MROH7: variants seen among roughly 807,000 people sequenced by gnomAD.
MROH7 encodes maestro heat-like repeat-containing protein family member 7.
MROH7 carries 113 observed loss-of-function variants against 129.2 expected under a neutral mutation model. The observed-to-expected ratio is 0.87, with a 90% CI of 0.75 to 1.02. The LOEUF is 1.02. MROH7 is among the 50% of genes least tolerant of loss of function. The pLI is 0.00. For missense variants in MROH7, 1,601 were observed against 1,671.3 expected, an observed-to-expected ratio of 0.96 and a Z score of 0.73; for synonymous variants, 655 against 667.9, an observed-to-expected ratio of 0.98 and a Z score of 0.30.
chr1:54,663,891 T>C (rs1529783), intron 3 of MROH7: 42,585 of 404,068 alleles, frequency 0.11, 2,986 homozygotes, highest in East Asian at 0.41. Flanking sequence ...TTCACTACAA[T>C]TGGTGTATCT....
intron 4 of MROH7, among the ~76,000 whole-genome samples, chr1:54,668,159 T>G (rs1644840831): frequency 6.6e-6 from 1 of 152,206 alleles, no homozygotes; most frequent in South Asian, 2.1e-4. Context: ...AGGGAAAAAG[T>G]GGAAGCTTCC....
chr1:54,695,569 A>G, intron 17 of MROH7, 79 bp downstream of exon 17: 5 of 869,790 alleles, frequency 5.7e-6, no homozygotes, highest in Non-Finnish European at 9.6e-6. Context: ...TCTCCTATGT[A>G]AACAGTACTT....
In MROH7 at chr1:54,678,829, G is replaced by C. The variant is rs753332143; in HGVS notation, c.2024G>C (p.Cys675Ser). The change falls in exon 11 of 24, where the codon TGC (cysteine) becomes TCC (serine). Residue 675 changes from cysteine (C) to serine (S), a missense_variant. By Grantham distance (112) the Cys-to-Ser change is moderately radical. Transcript: ENST00000421030. ...FLGPYNPVSP[C>S]QNILRVIEEF... ...GGGCCCTACAACCCTGTGAGCCCGTGCCAGAACATTCTGCGGGTGATCGAG... is the reference window on the plus strand; with the variant it reads ...GGGCCCTACAACCCTGTGAGCCCGTCCCAGAACATTCTGCGGGTGATCGAG... The C allele has an allele frequency of 6.2e-7, 1 of 1,613,798 alleles. No homozygotes were observed. Among genetic ancestry groups the C allele is most frequent in the Non-Finnish European group, 8.5e-7 (1 of 1,179,822 alleles).
intron 12 of MROH7, 56 bp from the exon 13 acceptor site, chr1:54,679,835 C>A (rs918900548): frequency 6.5e-7 from 1 of 1,547,372 alleles, no homozygotes; most frequent in South Asian, 1.2e-5. Flanking sequence ...CTTCCTGCTG[C>A]CCCCGTGCTT....
chr1:54,645,786 A>G (rs1618099), intron 1 of MROH7, among the ~76,000 whole-genome samples: 119,067 of 151,302 alleles, frequency 0.79, 47,130 homozygotes, highest in East Asian at 0.89. Flanking sequence ...CGAGTAAGGT[A>G]GGACTACAGG....
chr1:54,697,345 T>C (rs1422089734), intron 17 of MROH7: 5 of 303,180 alleles, frequency 1.6e-5, no homozygotes, highest in Non-Finnish European at 2.4e-5. Context: ...GAAGGGACCA[T>C]GTCACATTGG....
In MROH7 at chr1:54,679,398, A is replaced by G. The variant is rs1490222173; in HGVS notation, c.2185A>G (p.Ser729Gly). 4.3e-6 allele frequency: 7 copies of G among 1,614,058 alleles called. No homozygotes were observed. Among genetic ancestry groups the G allele is most frequent in the Non-Finnish European group, 5.9e-6 (7 of 1,179,998 alleles). The change falls in exon 12 of 24, where the codon AGC becomes GGC. Residue 729 changes from serine (S) to glycine (G), a missense_variant. Coordinates refer to ENST00000421030, the MANE Select transcript of MROH7 (RefSeq NM_001039464.4). The stretch of plus-strand genomic sequence containing the variant: ...GCAGCTGGCCTCGGAGGTCATGCTC[A>G]GCTCGGTGCTGGAGTGGTACCGCCA... ...MMQLASEVML[S>G]SVLEWYRHRA... is the part of the protein sequence containing the mutation.
intron 1 of MROH7, among the ~76,000 whole-genome samples, chr1:54,643,888 T>A (rs998710656): frequency 6.6e-6 from 1 of 152,204 alleles, no homozygotes; most frequent in African/African-American, 2.4e-5. Flanking sequence ...ATGTGCCACT[T>A]CCTTTTGGCC....
chr1:54,650,193 CTTT>C (rs1269151221), intron 1 of MROH7, among the ~76,000 whole-genome samples: 2 of 152,174 alleles, frequency 1.3e-5, no homozygotes, highest in East Asian at 3.9e-4. Flanking sequence ...CTGTGGAAGG[CTTT>C]ATGTGTTCCC....
At chr1:54,671,203 C>T (rs1052764939) in intron 7 of MROH7, among the ~76,000 whole-genome samples, 2 of 151,860 alleles carry the variant, frequency 1.3e-5, no homozygotes, top group South Asian at 4.2e-4. Context: ...CTGGCTAACA[C>T]GGTGAATCCC....
At chr1:54,702,888 A>G in intron 21 of MROH7, 143 bp downstream of exon 21, 1 of 961,490 alleles carries the variant, frequency 1.0e-6, no homozygotes, top group Non-Finnish European at 1.5e-6. Context: ...GTTCCTCTCC[A>G]CCTCTGGCTT....
Position 54,701,279 on chromosome 1 carries a change from T to A in MROH7, c.3242T>A (p.Val1081Asp). 6.2e-7 allele frequency: 1 copy of A among 1,610,758 alleles called. No homozygotes were observed. The highest frequency in any genetic ancestry group is 2.2e-5 in the East Asian group (1 of 44,806). The change falls in exon 19 of 24, where the codon GTC becomes GAC. Residue 1081 changes from valine (V) to aspartate (D), a missense_variant. By Grantham distance (152) the Val-to-Asp change is radical (BLOSUM62 -3). Transcript: ENST00000421030. ...GRDQKLMDSA[V>D]YVEMLQILLP... ...GACCAGAAGCTGATGGACAGTGCGGTCTATGTGGAGATGCTGCAGATCCTG... is the reference window on the plus strand; with the variant it reads ...GACCAGAAGCTGATGGACAGTGCGGACTATGTGGAGATGCTGCAGATCCTG...
At chr1:54,679,484 G>A in intron 12 of MROH7, 45 bp downstream of exon 12, 1 of 1,584,244 alleles carries the variant, frequency 6.3e-7, no homozygotes, top group Non-Finnish European at 8.6e-7. Context: ...CTGGGGCTCG[G>A]GAGCTCCCCC....
Position 54,678,723 on chromosome 1 carries a change from GA to G in MROH7, c.1937-17del. ...AAATAGGGAGATCCGGCCTCACTGA[GA>G]AGGTTCTCATCTTGCAGGAGCCAGA... On this transcript the variant is annotated intron_variant, in intron 10 of 23. Transcript: ENST00000421030. 1 of 1,574,276 alleles carries G rather than the reference GA, an allele frequency of 6.4e-7. No individual in the cohort carries two copies. The highest frequency in any genetic ancestry group is 1.1e-5 in the South Asian group (1 of 90,188).
chr1:54,700,463 T>C lies in MROH7; in HGVS notation c.3105+2T>C. 1 of 1,582,214 alleles carries C rather than the reference T, an allele frequency of 6.3e-7. No homozygotes were observed. Among genetic ancestry groups the C allele is most frequent in the Non-Finnish European group, 8.6e-7 (1 of 1,162,496 alleles). On this transcript the variant is annotated splice_donor_variant, in intron 18 of 23. Coordinates refer to ENST00000421030, the MANE Select transcript of MROH7 (RefSeq NM_001039464.4). LOFTEE classifies it high-confidence loss of function. ...ATCCTGGCCCGCAGGTCTGAGAAGGTGAGTGGGAGGCAGAGGAAAGCCTGG... is the reference window on the plus strand; with the variant it reads ...ATCCTGGCCCGCAGGTCTGAGAAGGCGAGTGGGAGGCAGAGGAAAGCCTGG...
rs1199632049 is a variant in MROH7 at position 54,679,298 on chromosome 1, G to C, written c.2085G>C (p.Lys695Asn). Reference protein sequence around the residue: ...FGDFLGPQQIKDLLLAALEGL... With the variant: ...FGDFLGPQQINDLLLAALEGL... ...ACTTCCTGGGGCCCCAGCAGATAAA[G>C]GACCTGCTGCTGGCCGCCCTGGAAG... The change falls in exon 12 of 24, where the codon AAG becomes AAC. Residue 695 changes from lysine to asparagine, a missense_variant. Lys to Asn is a moderately conservative substitution (Grantham distance 94). Transcript: ENST00000421030. 1 of 1,614,218 alleles carries C rather than the reference G, an allele frequency of 6.2e-7. No individual in the cohort carries two copies. The highest frequency in any genetic ancestry group is 1.1e-5 in the South Asian group (1 of 91,090).
intron 1 of MROH7, among the ~76,000 whole-genome samples, chr1:54,649,982 G>C (rs962994992): frequency 6.6e-6 from 1 of 152,186 alleles, no homozygotes; most frequent in African/African-American, 2.4e-5. Context: ...GGAACTGCTT[G>C]CTTGGAACTT....
chr1:54,682,564 C>T (rs1224745332), intron 13 of MROH7, 92 bp from the exon 14 acceptor site: 4 of 1,301,876 alleles, frequency 3.1e-6, no homozygotes, highest in African/African-American at 2.9e-5. Flanking sequence ...ATTTCATTGG[C>T]ATCTTACCTT....
chr1:54,649,309 C>G (rs2101058430), intron 1 of MROH7, among the ~76,000 whole-genome samples: 2 of 152,382 alleles, frequency 1.3e-5, no homozygotes, highest in Admixed American at 1.3e-4. Context: ...TCTGACCTTT[C>G]CATCTGGGGC....
Sources: allele counts gnomAD v4.1 joint callset (sites outside exome capture counted in the v4.1 genomes callset), GRCh38; gene constraint gnomAD v4.1.1; transcripts MANE v1.5; gene names NCBI Gene and HGNC (gene_info 2026-07-23, HGNC 2026-07-21).